Variants in OCM observed in about 807,000 individuals in gnomAD.
OCM encodes the protein oncomodulin.
In OCM, 18 loss-of-function variants were observed where a neutral mutation model predicts 14.1. That is an observed-to-expected ratio of 1.28 (90% CI 0.88 to 1.89). The LOEUF (loss-of-function observed/expected upper bound fraction) is 1.89, where lower values mean the gene tolerates loss of function less well. Among genes scored for constraint, OCM ranks in the 40% most tolerant of loss-of-function variants. The pLI, the probability that OCM is intolerant of heterozygous loss-of-function variation, is 0.00. For synonymous variants in OCM, 48 were observed against 51.0 expected, an observed-to-expected ratio of 0.94 and a Z score of 0.25; for missense variants, 140 against 137.6, an observed-to-expected ratio of 1.02 and a Z score of -0.09.
the OCM span, among the ~76,000 whole-genome samples, chr7:5,873,296 G>C: frequency 6.6e-6 from 1 of 152,060 alleles, no homozygotes; most frequent in African/African-American, 2.4e-5. Context: ...AGAATCGCTT[G>C]AATCTGGGAG....
At chr7:5,877,861 G>A (rs1781127294), upstream of OCM, among the ~76,000 whole-genome samples, 3 of 146,044 alleles carry the variant, frequency 2.1e-5, no homozygotes, top group Middle Eastern at 3.7e-3. Flanking sequence ...CCTGACACAT[G>A]CCACAACATG....
the OCM span, among the ~76,000 whole-genome samples, chr7:5,868,224 A>G: frequency 2.0e-5 from 3 of 152,004 alleles, no homozygotes; most frequent in African/African-American, 7.3e-5. Flanking sequence ...ACAGCTCACT[A>G]CAACCTCAAC....
At chr7:5,876,085 A>G (rs12113562), upstream of OCM, among the ~76,000 whole-genome samples, 5,901 of 152,026 alleles carry the variant, frequency 0.039, 265 homozygotes, top group African/African-American at 0.11. Context: ...GCTCACTGCA[A>G]CCTCCACCTC....
chr7:5,869,632 C>A, the OCM span, among the ~76,000 whole-genome samples: 1 of 152,130 alleles, frequency 6.6e-6, no homozygotes, highest in African/African-American at 2.4e-5. Context: ...ATATTTCCTG[C>A]AGCACTGTAT....
chr7:5,882,821 G>C (rs1781248687), intron 2 of OCM, among the ~76,000 whole-genome samples, 196 bp downstream of exon 2: 1 of 149,200 alleles, frequency 6.7e-6, no homozygotes. Context: ...GGGCAGAGAA[G>C]ACTGCAGGTG....
At chr7:5,862,896 C>T in the OCM span, among the ~76,000 whole-genome samples, 48 of 146,566 alleles carry the variant, frequency 3.3e-4, no homozygotes, top group African/African-American at 1.2e-3. Context: ...TCTTTACTCC[C>T]TCTTTTCATG....
chr7:5,873,273 A>G, the OCM span, among the ~76,000 whole-genome samples: 1 of 152,198 alleles, frequency 6.6e-6, no homozygotes, highest in Non-Finnish European at 1.5e-5. Flanking sequence ...GCTACTTGGG[A>G]GGATGAGGCA....
chr7:5,865,743 A>G, the OCM span, among the ~76,000 whole-genome samples: 1 of 152,208 alleles, frequency 6.6e-6, no homozygotes, highest in African/African-American at 2.4e-5. Flanking sequence ...GAAGTCCCAG[A>G]GAACTGTCCT....
At chr7:5,865,450 A>G in the OCM span, among the ~76,000 whole-genome samples, 1 of 152,086 alleles carries the variant, frequency 6.6e-6, no homozygotes. Context: ...GAGAACCCCA[A>G]CTCATTAGAC....
upstream of OCM, among the ~76,000 whole-genome samples, chr7:5,875,578 G>A (rs1781079390): frequency 6.6e-6 from 1 of 152,088 alleles, no homozygotes; most frequent in Non-Finnish European, 1.5e-5. Flanking sequence ...AAAGTGCTGG[G>A]ATTATAGGCA....
At chr7:5,866,723 G>T in the OCM span, among the ~76,000 whole-genome samples, 1 of 152,068 alleles carries the variant, frequency 6.6e-6, no homozygotes, top group African/African-American at 2.4e-5. Context: ...ATATGTGGTG[G>T]ATACATATTG....
chr7:5,862,814 C>T, the OCM span, among the ~76,000 whole-genome samples: 1 of 151,424 alleles, frequency 6.6e-6, no homozygotes, highest in Non-Finnish European at 1.5e-5. Flanking sequence ...TCATGGACTC[C>T]TCTACTCTTT....
At chr7:5,862,004 A>G in the OCM span, among the ~76,000 whole-genome samples, 3 of 152,098 alleles carry the variant, frequency 2.0e-5, no homozygotes, top group Non-Finnish European at 4.4e-5. Context: ...AGCTCAAGTG[A>G]TCCTCCTGCG....
chr7:5,880,478 G>A (rs1267601725), upstream of OCM, among the ~76,000 whole-genome samples: 1 of 152,094 alleles, frequency 6.6e-6, no homozygotes, highest in East Asian at 1.9e-4. Context: ...TTCTAGACAG[G>A]CCTGGCTCGG....
the OCM span, among the ~76,000 whole-genome samples, chr7:5,869,183 AGAG>A: frequency 7.9e-5 from 12 of 152,216 alleles, no homozygotes; most frequent in African/African-American, 2.7e-4. Flanking sequence ...GGAATAAAAG[AGAG>A]AAGAGAGGAA....
At chr7:5,879,313 C>T (rs909224173), upstream of OCM, among the ~76,000 whole-genome samples, 1 of 152,068 alleles carries the variant, frequency 6.6e-6, no homozygotes, top group African/African-American at 2.4e-5. Context: ...TCCTTTTTGC[C>T]TTTTGAGTGT....
intron 1 of OCM, among the ~76,000 whole-genome samples, chr7:5,881,816 C>T (rs987358818): frequency 2.0e-5 from 3 of 151,788 alleles, no homozygotes; most frequent in African/African-American, 7.2e-5. Context: ...GGCCAGGTGT[C>T]GTGCTCACAC....
upstream of OCM, among the ~76,000 whole-genome samples, chr7:5,880,588 G>A (rs1228126930): frequency 2.6e-5 from 4 of 151,604 alleles, no homozygotes; most frequent in East Asian, 5.9e-4. Context: ...GCAAAACCCC[G>A]TCTCTACTAA....
upstream of OCM, among the ~76,000 whole-genome samples, chr7:5,878,002 G>C (rs1481364858): frequency 1.4e-5 from 2 of 145,022 alleles, no homozygotes; most frequent in African/African-American, 2.6e-5. Context: ...GCGGAATCTC[G>C]CTCTGTCACC....
Sources: allele counts gnomAD v4.1 joint callset (sites outside exome capture counted in the v4.1 genomes callset), GRCh38; gene constraint gnomAD v4.1.1; transcripts MANE v1.5; gene names NCBI Gene and HGNC (gene_info 2026-07-23, HGNC 2026-07-21).